The following LZTFL1 variants were observed in gnomAD, a reference collection of about 807,000 sequenced individuals.
LZTFL1 encodes the protein leucine zipper transcription factor like 1.
Under a neutral mutation model 45.9 loss-of-function variants are expected in LZTFL1, and 25 were observed. The ratio of observed to expected loss-of-function variants is 0.54; its 90% CI spans 0.40 to 0.76. The LOEUF (loss-of-function observed/expected upper bound fraction) is 0.76, where lower values mean the gene tolerates loss of function less well. Ranked by LOEUF, LZTFL1 falls within the 30% of genes least tolerant of loss-of-function variation. The probability of loss-of-function intolerance (pLI) is 0.00; values close to 1 mark genes in which losing one functional copy is unlikely to be tolerated. For missense variants in LZTFL1, 277 were observed against 331.1 expected (o/e 0.84, Z 1.27); for synonymous variants, 93 against 117.4 (o/e 0.79, Z 1.35).
At chr3:45,870,987 T>C (rs1701662481) in intron 2 of LZTFL1, among the ~76,000 whole-genome samples, 1 of 152,248 alleles carries the variant, frequency 6.6e-6, no homozygotes, top group African/African-American at 2.4e-5. Flanking sequence ...GCTTTATTTG[T>C]TCAGAAACAT....
intron 2 of LZTFL1, chr3:45,897,506 T>C: frequency 8.5e-7 from 1 of 1,173,212 alleles, no homozygotes; most frequent in Non-Finnish European, 1.2e-6. Flanking sequence ...TGGAGAAAGC[T>C]GGGTCACCCA....
At chr3:45,841,944 G>A in intron 1 of LZTFL1, 45 bp downstream of exon 1, 2 of 1,606,064 alleles carry the variant, frequency 1.2e-6, no homozygotes, top group Non-Finnish European at 1.7e-6. Flanking sequence ...CCCCGGCCGC[G>A]CTCTCTCCTG....
chr3:45,914,961 G>C (rs1205727282), intron 1 of LZTFL1, among the ~76,000 whole-genome samples: 1 of 152,184 alleles, frequency 6.6e-6, no homozygotes, highest in Non-Finnish European at 1.5e-5. Flanking sequence ...CGTCGTGGGA[G>C]GACTGGACTG....
chr3:45,834,192 A>C (rs777891862), intron 4 of LZTFL1, 46 bp downstream of exon 4: 17 of 1,106,846 alleles, frequency 1.5e-5, no homozygotes, highest in Non-Finnish European at 2.3e-5. Flanking sequence ...TGAGGATTTT[A>C]AATACTGGCT....
intron 5 of LZTFL1, among the ~76,000 whole-genome samples, chr3:45,832,348 T>A (rs1700849739): frequency 1.3e-5 from 2 of 152,310 alleles, no homozygotes; most frequent in South Asian, 4.1e-4. Context: ...ACAAGGGTCA[T>A]GAAAAATAGC....
At chr3:45,872,346 T>C (rs1271571911) in intron 2 of LZTFL1, among the ~76,000 whole-genome samples, 1 of 152,164 alleles carries the variant, frequency 6.6e-6, no homozygotes, top group Non-Finnish European at 1.5e-5. Flanking sequence ...TTTGTTTAAA[T>C]AGTGTTTTAA....
At chr3:45,861,058 G>A (rs553047143) in intron 2 of LZTFL1, among the ~76,000 whole-genome samples, 1 of 152,148 alleles carries the variant, frequency 6.6e-6, no homozygotes, top group East Asian at 1.9e-4. Flanking sequence ...GCACAGGGTC[G>A]AAGTACACTG....
intron 2 of LZTFL1, among the ~76,000 whole-genome samples, chr3:45,877,883 T>C (rs534008439): frequency 1.3e-5 from 2 of 151,792 alleles, no homozygotes; most frequent in Non-Finnish European, 2.9e-5. Context: ...GTAGCTGGAA[T>C]TACAGGCGCC....
At chr3:45,880,556 T>C (rs1282452231) in intron 2 of LZTFL1, among the ~76,000 whole-genome samples, 5 of 152,066 alleles carry the variant, frequency 3.3e-5, no homozygotes, top group African/African-American at 1.2e-4. Flanking sequence ...TTGGGTAGCT[T>C]TCTGTACACC....
chr3:45,883,049 T>C (rs1701890544), intron 2 of LZTFL1, among the ~76,000 whole-genome samples: 1 of 152,162 alleles, frequency 6.6e-6, no homozygotes, highest in Non-Finnish European at 1.5e-5. Context: ...AACTTTGCTA[T>C]ACTCAGAAGC....
At chr3:45,835,036 G>A (rs1244463735) in intron 3 of LZTFL1, 1 of 152,690 alleles carries the variant, frequency 6.5e-6, no homozygotes, top group Non-Finnish European at 1.5e-5. Context: ...CTGATTTCTG[G>A]CATGCTTTTT....
rs1359630074 is a variant in LZTFL1 at position 45,900,933 on chromosome 3, C to G, written c.-215+12187G>C. ...AAACAATGTCAGGCAGTTTGCGAGC[C>G]ATTTCCTCCCACCCTTGTACTGGCT... On this transcript the variant is annotated intron_variant, in intron 2 of 4. Coordinates refer to the LZTFL1 transcript ENST00000472635. The surrounding 1 kb of genome is among the most constrained non-coding windows in gnomAD (Gnocchi z 4.7). The G allele has an allele frequency of 8.7e-6, 14 of 1,614,222 alleles. No individual in the cohort carries two copies. The highest frequency in any genetic ancestry group is 9.3e-6 in the Non-Finnish European group (11 of 1,180,042).
upstream of LZTFL1, among the ~76,000 whole-genome samples, chr3:45,842,453 A>G (rs903775329): frequency 1.3e-5 from 2 of 151,910 alleles, no homozygotes. Context: ...AGACCTTTCA[A>G]TGGTCTCATA....
intron 2 of LZTFL1, among the ~76,000 whole-genome samples, chr3:45,903,533 C>T (rs1227203369): frequency 4.6e-5 from 7 of 152,244 alleles, no homozygotes; most frequent in Admixed American, 1.3e-4. Flanking sequence ...CCTTGTGGAT[C>T]GCTGTGGTTT....
At chr3:45,909,064 C>G (rs988808813) in intron 2 of LZTFL1, among the ~76,000 whole-genome samples, 1 of 152,180 alleles carries the variant, frequency 6.6e-6, no homozygotes, top group Non-Finnish European at 1.5e-5. Context: ...CTAGACTGTG[C>G]ACTCCCTATG....
intron 5 of LZTFL1, among the ~76,000 whole-genome samples, chr3:45,831,958 G>A (rs971709241): frequency 2.0e-5 from 3 of 152,036 alleles, no homozygotes; most frequent in South Asian, 2.1e-4. Flanking sequence ...ATTTTTGGCC[G>A]GGCACGGTGG....
chr3:45,895,522 C>T (rs1432836704), intron 2 of LZTFL1, among the ~76,000 whole-genome samples: 2 of 152,214 alleles, frequency 1.3e-5, no homozygotes, highest in Non-Finnish European at 2.9e-5. Context: ...CAAGACCAGC[C>T]TGCCCAACAT....
chr3:45,872,313 T>A (rs1443111002), intron 2 of LZTFL1, among the ~76,000 whole-genome samples: 1 of 151,936 alleles, frequency 6.6e-6, no homozygotes, highest in Non-Finnish European at 1.5e-5. Flanking sequence ...GTACTTGGGG[T>A]GTGTGGCACA....
Position 45,865,437 on chromosome 3 carries a change from C to T in LZTFL1, c.-214-6421G>A, listed in dbSNP as rs117362975. On this transcript the variant is annotated intron_variant, in intron 2 of 4. Coordinates refer to the LZTFL1 transcript ENST00000472635. ...CAGAGCTCACAAAATCTCACTTACA[C>T]GCACTACATGCTTCCACATGCAAAC... Among the ~76,000 whole-genome samples, 1,541 of 152,366 alleles carry T rather than the reference C, an allele frequency of 0.01. 79 individuals carry two copies. In the East Asian group the frequency reaches 0.15, roughly 15 times the overall value.
Sources: gnomAD v4.1 joint callset for allele counts (sites outside exome capture counted in the v4.1 genomes callset) on GRCh38, gnomAD v4.1.1 for gene constraint, Gnocchi (gnomAD v3.1) non-coding constraint, MANE v1.5 for transcripts, NCBI Gene and HGNC (gene_info 2026-07-23, HGNC 2026-07-21) for gene names.